FBXL13: variants seen among roughly 807,000 people sequenced by gnomAD.
FBXL13 encodes the protein F-box and leucine-rich repeat protein 13.
FBXL13 carries 67 observed loss-of-function variants against 83.6 expected under a neutral mutation model. The observed-to-expected ratio is 0.80, with a 90% CI of 0.66 to 0.98. FBXL13 has a LOEUF of 0.98. FBXL13 is among the 50% of genes least tolerant of loss of function. FBXL13 has a pLI of 0.00. For synonymous variants in FBXL13, 272 were observed against 299.5 expected, an observed-to-expected ratio of 0.91 and a Z score of 0.95; for missense variants, 822 against 866.5, an observed-to-expected ratio of 0.95 and a Z score of 0.64.
chr7:103,058,331 A>T (rs150899077), intron 1 of FBXL13, among the ~76,000 whole-genome samples: 90 of 152,264 alleles, frequency 5.9e-4, no homozygotes, highest in Non-Finnish European at 1.0e-3. Flanking sequence ...TTTTCCCCCA[A>T]ACCAAGAGAC....
intron 17 of FBXL13, among the ~76,000 whole-genome samples, chr7:102,843,153 C>A (rs1254929276): frequency 1.3e-5 from 2 of 152,108 alleles, no homozygotes; most frequent in Non-Finnish European, 2.9e-5. Context: ...TATGTTATTT[C>A]AAGTGGTAGG....
At chr7:103,039,712 T>C (rs1041065514) in intron 2 of FBXL13, among the ~76,000 whole-genome samples, 1 of 152,156 alleles carries the variant, frequency 6.6e-6, no homozygotes, top group African/African-American at 2.4e-5. Flanking sequence ...CAGAATCTCA[T>C]ATCCAGTCAA....
chr7:102,885,387 A>G (rs1359426386), intron 11 of FBXL13, among the ~76,000 whole-genome samples: 2 of 151,638 alleles, frequency 1.3e-5, no homozygotes, highest in African/African-American at 4.8e-5. Context: ...GTATCTTTTC[A>G]TGTACTTGCT....
At chr7:103,065,539 A>C (rs1798313383) in intron 1 of FBXL13, among the ~76,000 whole-genome samples, 1 of 152,250 alleles carries the variant, frequency 6.6e-6, no homozygotes, top group South Asian at 2.1e-4. Context: ...TGAATAAAGA[A>C]CAATTTATTC....
At chr7:102,976,161 T>C in intron 6 of FBXL13, 1 of 766,396 alleles carries the variant, frequency 1.3e-6, no homozygotes, top group Non-Finnish European at 2.4e-6. Flanking sequence ...AGACTGATAG[T>C]GCCTTGGAAC....
At chr7:102,826,724 CATATATATATATATATATATA>C (rs1799690818) in intron 18 of FBXL13, among the ~76,000 whole-genome samples, 1 of 62,712 alleles carries the variant, frequency 1.6e-5, no homozygotes, top group African/African-American at 4.6e-5. Context: ...GACCCTGTCT[CATATATATATATATATATATA>C]TATATATATA....
At chr7:102,916,819 G>A (rs1032647320) in intron 10 of FBXL13, among the ~76,000 whole-genome samples, 1 of 151,222 alleles carries the variant, frequency 6.6e-6, no homozygotes, top group Non-Finnish European at 1.5e-5. Context: ...CTCTCTTTGT[G>A]ATTTATTTAT....
intron 10 of FBXL13, among the ~76,000 whole-genome samples, chr7:102,918,681 G>A (rs1816386483): frequency 6.6e-6 from 1 of 152,062 alleles, no homozygotes; most frequent in African/African-American, 2.4e-5. Flanking sequence ...AGCTGGATGT[G>A]CCCAGGAGTT....
chr7:103,037,963 G>A (rs574291279), intron 2 of FBXL13, among the ~76,000 whole-genome samples: 3 of 152,228 alleles, frequency 2.0e-5, no homozygotes, highest in South Asian at 2.1e-4. Context: ...AGTGGGTGCA[G>A]CCCACAGAGG....
intron 16 of FBXL13, among the ~76,000 whole-genome samples, chr7:102,856,268 G>A (rs958714833): frequency 6.6e-6 from 1 of 152,172 alleles, no homozygotes; most frequent in Non-Finnish European, 1.5e-5. Flanking sequence ...AGATGTGGAT[G>A]CTATTTTATT....
intron 1 of FBXL13, among the ~76,000 whole-genome samples, chr7:103,064,109 T>C (rs777543433): frequency 3.3e-5 from 5 of 152,176 alleles, no homozygotes; most frequent in South Asian, 2.1e-4. Context: ...ACACAGGTAA[T>C]TGCCAATGTT....
intron 6 of FBXL13, among the ~76,000 whole-genome samples, chr7:102,997,755 C>CT (rs1319077355): frequency 6.6e-6 from 1 of 152,178 alleles, no homozygotes; most frequent in Non-Finnish European, 1.5e-5. Flanking sequence ...GAATTTCCTT[C>CT]TTTTTTATGC....
intron 2 of FBXL13, among the ~76,000 whole-genome samples, chr7:103,048,609 T>A (rs527962241): frequency 6.6e-6 from 1 of 152,302 alleles, no homozygotes; most frequent in South Asian, 2.1e-4. Context: ...GAGATTTTCA[T>A]AAACCTTTTA....
chr7:102,978,481 G>A (rs1312468468), intron 6 of FBXL13: 1 of 154,456 alleles, frequency 6.5e-6, no homozygotes, highest in Non-Finnish European at 1.4e-5. Flanking sequence ...CTCTGACTGG[G>A]AGACACGTAC....
At chr7:103,064,373 G>T (rs1798199012) in intron 1 of FBXL13, among the ~76,000 whole-genome samples, 1 of 152,210 alleles carries the variant, frequency 6.6e-6, no homozygotes, top group Non-Finnish European at 1.5e-5. Flanking sequence ...ACAGCGTATA[G>T]AATAAGAATG....
At chr7:102,841,138 G>A (rs1484794286) in intron 17 of FBXL13, among the ~76,000 whole-genome samples, 1 of 152,026 alleles carries the variant, frequency 6.6e-6, no homozygotes, top group Non-Finnish European at 1.5e-5. Context: ...ACATAGAAGA[G>A]GGATCAAAAA....
intron 16 of FBXL13, among the ~76,000 whole-genome samples, chr7:102,856,284 T>A (rs1806038776): frequency 6.6e-6 from 1 of 152,234 alleles, no homozygotes; most frequent in Non-Finnish European, 1.5e-5. Flanking sequence ...TTATTCATGT[T>A]AAAAGAATTG....
At chr7:103,039,368 A>C (rs1795418203) in intron 2 of FBXL13, among the ~76,000 whole-genome samples, 1 of 152,252 alleles carries the variant, frequency 6.6e-6, no homozygotes. Flanking sequence ...CTGGAAAGTG[A>C]CAGGGAGAAT....
At chr7:102,956,338 T>A (rs528574651) in intron 8 of FBXL13, among the ~76,000 whole-genome samples, 88 of 151,966 alleles carry the variant, frequency 5.8e-4, no homozygotes, top group African/African-American at 2.0e-3. Flanking sequence ...CAACAGCCCT[T>A]CATGCTAAAA....
Sources: allele counts gnomAD v4.1 joint callset (sites outside exome capture counted in the v4.1 genomes callset), GRCh38; gene constraint gnomAD v4.1.1; transcripts MANE v1.5; gene names NCBI Gene and HGNC (gene_info 2026-07-23, HGNC 2026-07-21).